PBX3: variants seen among roughly 807,000 people sequenced by gnomAD.
The protein encoded by PBX3 is pre-B-cell leukemia transcription factor 3.
A neutral mutation model predicts 48.5 loss-of-function variants in PBX3; 14 were observed. That is an observed-to-expected ratio of 0.29 (90% CI 0.19 to 0.45). The LOEUF (loss-of-function observed/expected upper bound fraction) is 0.45, where lower values mean the gene tolerates loss of function less well. Among genes scored for constraint, PBX3 ranks in the 20% least tolerant of loss-of-function variants. The probability of loss-of-function intolerance (pLI) is 1.00; values close to 1 mark genes in which losing one functional copy is unlikely to be tolerated. For synonymous variants in PBX3, 210 were observed against 200.3 expected (o/e 1.05, Z -0.41); for missense variants, 386 against 546.7 (o/e 0.71, Z 2.93).
chr9:125,850,102 T>A (rs1839538028), intron 2 of PBX3, among the ~76,000 whole-genome samples: 1 of 152,064 alleles, frequency 6.6e-6, no homozygotes, highest in Non-Finnish European at 1.5e-5. Context: ...TTTGACGTCT[T>A]AGTCTATTTC....
chr9:125,819,566 C>G (rs1325027504), intron 2 of PBX3, among the ~76,000 whole-genome samples: 1 of 152,096 alleles, frequency 6.6e-6, no homozygotes, highest in Admixed American at 6.5e-5. Flanking sequence ...TATAATAGAT[C>G]AGCTGAACTA....
chr9:125,775,607 C>A (rs1228454154), intron 2 of PBX3, among the ~76,000 whole-genome samples: 3 of 152,192 alleles, frequency 2.0e-5, no homozygotes, highest in African/African-American at 7.2e-5. Flanking sequence ...ATCCATATGT[C>A]TATCCTTATT....
chr9:125,834,890 G>A (rs868794606), intron 2 of PBX3, among the ~76,000 whole-genome samples: 3 of 149,664 alleles, frequency 2.0e-5, no homozygotes, highest in Non-Finnish European at 4.5e-5. Context: ...GGTGGCAGGC[G>A]CCTGTAATCC....
At chr9:125,866,948 C>T (rs926260473) in intron 2 of PBX3, among the ~76,000 whole-genome samples, 2 of 152,076 alleles carry the variant, frequency 1.3e-5, no homozygotes, top group Admixed American at 1.3e-4. Context: ...TCCATAAAGA[C>T]GTGATTTTCA....
At chr9:125,807,037 T>C (rs1028880014) in intron 2 of PBX3, among the ~76,000 whole-genome samples, 1 of 152,186 alleles carries the variant, frequency 6.6e-6, no homozygotes, top group Non-Finnish European at 1.5e-5. Context: ...AAGAAAGAAA[T>C]ATTAGCTGGG....
At chr9:125,899,125 A>G (rs919495600) in intron 2 of PBX3, among the ~76,000 whole-genome samples, 16 of 150,120 alleles carry the variant, frequency 1.1e-4, no homozygotes, top group African/African-American at 3.9e-4. Context: ...AACTTATGAG[A>G]TGATAGTCTT....
intron 2 of PBX3, among the ~76,000 whole-genome samples, chr9:125,832,645 A>C (rs1170428611): frequency 6.6e-6 from 1 of 152,222 alleles, no homozygotes; most frequent in Non-Finnish European, 1.5e-5. Context: ...GTTTTCCCTC[A>C]TGACTTAGAG....
At chr9:125,843,187 T>A (rs1839333195) in intron 2 of PBX3, among the ~76,000 whole-genome samples, 1 of 152,198 alleles carries the variant, frequency 6.6e-6, no homozygotes, top group African/African-American at 2.4e-5. Flanking sequence ...GGTTCTACTG[T>A]TCTGAGACTG....
rs142084853 is a variant in PBX3 at position 125,790,736 on chromosome 9, T to C, written c.274+42113T>C. 9.4e-3 allele frequency among the ~76,000 whole-genome samples: 1,424 copies of C among 151,988 alleles called. 12 individuals carry two copies. The highest frequency in any genetic ancestry group is 0.016 in the Non-Finnish European group (1,115 of 67,964). On this transcript the variant is annotated intron_variant, in intron 2 of 8. Coordinates refer to ENST00000373489, the MANE Select transcript of PBX3 (RefSeq NM_006195.6). ...GTTGTGCACCATCATGCCTGGCTAA[T>C]TTTTATTTTTTGTAGAGATGGGGTC...
At chr9:125,781,412 C>G (rs533667528) in intron 2 of PBX3, among the ~76,000 whole-genome samples, 5 of 151,420 alleles carry the variant, frequency 3.3e-5, no homozygotes, top group Non-Finnish European at 5.9e-5. Context: ...CGCAGGCACT[C>G]GGCCGGCTGA....
intron 2 of PBX3, among the ~76,000 whole-genome samples, chr9:125,861,021 C>T (rs1011301574): frequency 2.6e-5 from 4 of 151,754 alleles, no homozygotes; most frequent in African/African-American, 7.3e-5. Flanking sequence ...GGTGGCTCAT[C>T]ATGCCTATAA....
At chr9:125,812,767 T>C (rs1327577713) in intron 2 of PBX3, among the ~76,000 whole-genome samples, 2 of 152,262 alleles carry the variant, frequency 1.3e-5, no homozygotes, top group East Asian at 3.8e-4. Context: ...ATGGGATAGC[T>C]CATTATTGTT....
At chr9:125,822,168 A>G (rs193091824) in intron 2 of PBX3, among the ~76,000 whole-genome samples, 5 of 152,304 alleles carry the variant, frequency 3.3e-5, no homozygotes, top group Admixed American at 3.3e-4. Flanking sequence ...TAAAATTAAA[A>G]TTTAATATTT....
chr9:125,796,275 A>G (rs908070253), intron 2 of PBX3, among the ~76,000 whole-genome samples: 1 of 151,824 alleles, frequency 6.6e-6, no homozygotes, highest in African/African-American at 2.4e-5. Flanking sequence ...AGCAGTTAAT[A>G]TGCTTTAGCC....
chr9:125,858,689 G>A (rs1244795959), intron 2 of PBX3, among the ~76,000 whole-genome samples: 2 of 140,808 alleles, frequency 1.4e-5, no homozygotes, highest in South Asian at 2.4e-4. Flanking sequence ...GCAATGGCAC[G>A]ATCTCGGCTC....
chr9:125,905,553 T>C (rs1435043116), intron 2 of PBX3, among the ~76,000 whole-genome samples: 1 of 151,982 alleles, frequency 6.6e-6, no homozygotes, highest in Non-Finnish European at 1.5e-5. Flanking sequence ...TTTTTTTCTT[T>C]TTTCTTTTGA....
intron 2 of PBX3, among the ~76,000 whole-genome samples, chr9:125,764,404 A>G (rs1408903999): frequency 6.6e-6 from 1 of 152,198 alleles, no homozygotes; most frequent in Non-Finnish European, 1.5e-5. Flanking sequence ...TATCTTTTGG[A>G]TCCGACAGGA....
At chr9:125,763,123 T>C (rs952378872) in intron 2 of PBX3, among the ~76,000 whole-genome samples, 1 of 152,222 alleles carries the variant, frequency 6.6e-6, no homozygotes, top group Non-Finnish European at 1.5e-5. Flanking sequence ...GCCAATGGCA[T>C]AAAATATTTT....
rs371215219 is a variant in PBX3 at position 125,832,136 on chromosome 9, A to G, written c.274+83513A>G. ...TATGACAAAAAATTTATTCTTAACAAAATTAAGATAATTACTTGATTTATT... is the reference window on the plus strand; with the variant it reads ...TATGACAAAAAATTTATTCTTAACAGAATTAAGATAATTACTTGATTTATT... On this transcript the variant is annotated intron_variant, in intron 2 of 8. Coordinates refer to ENST00000373489, the MANE Select transcript of PBX3 (RefSeq NM_006195.6). 4.6e-5 allele frequency among the ~76,000 whole-genome samples: 7 copies of G among 152,150 alleles called. 1 individual carries two copies. Among genetic ancestry groups the G allele is most frequent in the East Asian group, 3.9e-4 (2 of 5,192 alleles).
Sources: allele counts gnomAD v4.1 joint callset (sites outside exome capture counted in the v4.1 genomes callset), GRCh38; gene constraint gnomAD v4.1.1; transcripts MANE v1.5; gene names NCBI Gene and HGNC (gene_info 2026-07-23, HGNC 2026-07-21).